ACSM1: variants seen among roughly 807,000 people sequenced by gnomAD.
ACSM1 encodes acyl-coenzyme A synthetase ACSM1, mitochondrial.
In ACSM1, 79 loss-of-function variants were observed where a neutral mutation model predicts 75.8. The ratio of observed to expected loss-of-function variants is 1.04; its 90% CI spans 0.87 to 1.26. The LOEUF (loss-of-function observed/expected upper bound fraction) is 1.26. Among genes scored for constraint, ACSM1 ranks in the 50% most tolerant of loss-of-function variants. The probability of loss-of-function intolerance (pLI) is 0.00; values close to 1 mark genes in which losing one functional copy is unlikely to be tolerated. For synonymous variants in ACSM1, 279 were observed against 265.8 expected (o/e 1.05, Z -0.48); for missense variants, 676 against 720.1 (o/e 0.94, Z 0.70).
At chr16:20,672,924 C>T (rs234275) in intron 4 of ACSM1, among the ~76,000 whole-genome samples, 59,825 of 131,824 alleles carry the variant, frequency 0.45, 15,019 homozygotes, top group East Asian at 0.85. Context: ...AAACATATTA[C>T]ATATAAATAT....
intron 8 of ACSM1, among the ~76,000 whole-genome samples, chr16:20,638,244 G>A (rs2017839429): frequency 6.6e-6 from 1 of 152,086 alleles, no homozygotes; most frequent in Admixed American, 6.5e-5. Flanking sequence ...TTACCTCCCA[G>A]AGTGCTTGTA....
intron 7 of ACSM1, 81 bp from the exon 8 acceptor site, chr16:20,640,665 T>C: frequency 6.3e-7 from 1 of 1,591,224 alleles, no homozygotes; most frequent in Non-Finnish European, 8.6e-7. Context: ...GTCACCCAGA[T>C]CATTCATCCT....
At chr16:20,696,498 GT>G (rs1485138827) in intron 1 of ACSM1, among the ~76,000 whole-genome samples, 7 of 152,204 alleles carry the variant, frequency 4.6e-5, no homozygotes, top group African/African-American at 1.7e-4. Flanking sequence ...AATTATCTGA[GT>G]TATAGAAAAA....
chr16:20,652,236 G>C (rs1189255295), intron 7 of ACSM1, among the ~76,000 whole-genome samples: 1 of 152,002 alleles, frequency 6.6e-6, no homozygotes, highest in African/African-American at 2.4e-5. Context: ...AAACACACTT[G>C]TCATAATTTA....
chr16:20,695,141 C>A (rs188216571), intron 1 of ACSM1, among the ~76,000 whole-genome samples: 1 of 152,284 alleles, frequency 6.6e-6, no homozygotes. Context: ...CATGAGAGGG[C>A]CAAACACAGT....
At chr16:20,692,681 T>C (rs1169912837) in intron 1 of ACSM1, among the ~76,000 whole-genome samples, 1 of 152,224 alleles carries the variant, frequency 6.6e-6, no homozygotes, top group African/African-American at 2.4e-5. Context: ...CAAGAGACTT[T>C]GCAGGGCAAT....
At position 20,625,405 on chromosome 16, in the gene ACSM1, T is replaced by A. The variant is rs770636525; in HGVS notation, c.1527+18A>T. On this transcript the variant is annotated intron_variant, in intron 12 of 13. Transcript: ENST00000520010. The stretch of plus-strand genomic sequence containing the variant: ...TAGTGCCCACGCACAGACATGATGA[T>A]CTCTGTGTTCTCCTCACCTCCCCTC... 6.2e-7 allele frequency: 1 copy of A among 1,612,270 alleles called. No homozygotes were observed.
intron 10 of ACSM1, among the ~76,000 whole-genome samples, chr16:20,630,589 T>C (rs1374852019): frequency 3.9e-5 from 6 of 152,140 alleles, no homozygotes; most frequent in Non-Finnish European, 7.3e-5. Flanking sequence ...GAATTTAATA[T>C]ACCACTTTCA....
chr16:20,687,470 T>A (rs1209824878), intron 2 of ACSM1, among the ~76,000 whole-genome samples: 1 of 152,094 alleles, frequency 6.6e-6, no homozygotes, highest in Non-Finnish European at 1.5e-5. Flanking sequence ...TGAAGATTAG[T>A]GAAGGTCTAC....
intron 8 of ACSM1, among the ~76,000 whole-genome samples, chr16:20,638,447 G>C (rs1314400120): frequency 6.6e-6 from 1 of 152,176 alleles, no homozygotes; most frequent in African/African-American, 2.4e-5. Context: ...AGTAGATAAT[G>C]AGCATCCCAA....
intron 4 of ACSM1, among the ~76,000 whole-genome samples, chr16:20,673,363 T>C (rs1428317770): frequency 1.3e-5 from 2 of 152,186 alleles, no homozygotes; most frequent in Non-Finnish European, 2.9e-5. Context: ...GGTATCATAC[T>C]GACTTTGGGA....
chr16:20,641,981 G>C (rs571768332), intron 7 of ACSM1, among the ~76,000 whole-genome samples: 1 of 152,336 alleles, frequency 6.6e-6, no homozygotes, highest in South Asian at 2.1e-4. Context: ...GTATTACGAA[G>C]AGTGGGAGTG....
chr16:20,654,656 A>T (rs2018847911), intron 7 of ACSM1, among the ~76,000 whole-genome samples: 1 of 152,238 alleles, frequency 6.6e-6, no homozygotes, highest in Non-Finnish European at 1.5e-5. Context: ...AAAAATGCTC[A>T]TCATCACTGG....
chr16:20,655,879 T>A (rs901749478), intron 7 of ACSM1, among the ~76,000 whole-genome samples: 4 of 152,164 alleles, frequency 2.6e-5, no homozygotes, highest in African/African-American at 9.7e-5. Flanking sequence ...GCCAGGCTGG[T>A]CTCGAACTCC....
At chr16:20,664,824 A>G (rs564973515) in intron 6 of ACSM1, among the ~76,000 whole-genome samples, 1 of 152,208 alleles carries the variant, frequency 6.6e-6, no homozygotes, top group Non-Finnish European at 1.5e-5. Flanking sequence ...ACAGTGCAAG[A>G]AAAACAGAAA....
intron 11 of ACSM1, 29 bp downstream of exon 11, chr16:20,627,160 A>G (rs1488333554): frequency 6.7e-7 from 1 of 1,499,668 alleles, no homozygotes; most frequent in Non-Finnish European, 8.8e-7. Context: ...GACGGCAACA[A>G]CAGCCAGCCC....
intron 7 of ACSM1, among the ~76,000 whole-genome samples, chr16:20,646,222 C>G (rs1032000873): frequency 1.3e-5 from 2 of 152,202 alleles, no homozygotes; most frequent in Non-Finnish European, 2.9e-5. Context: ...CTAATAGGGC[C>G]TGCTTCCAGT....
intron 4 of ACSM1, among the ~76,000 whole-genome samples, chr16:20,672,340 C>A (rs1247746667): frequency 6.8e-6 from 1 of 147,330 alleles, no homozygotes; most frequent in African/African-American, 2.5e-5. Flanking sequence ...CCCAGCTACT[C>A]GGGAGGCTGA....
Position 20,640,578 on chromosome 16 carries a change from C to A in ACSM1, c.999G>T (p.Arg333Ser), listed in dbSNP as rs1054905991. ...TATAGCAGTGCTCCAGGGCAGGGAA[C>A]CTGATGCTTAGAGGAAGACAAGGTG... ...MILQQDFTSI[R>S]FPALEHCYTG... is the part of the protein sequence containing the mutation. Residue 333 changes from arginine to serine, a missense_variant, in exon 8 of 14, where the codon AGG becomes AGT. Coordinates refer to ENST00000520010, the MANE Select transcript of ACSM1 (RefSeq NM_001318890.3). 3.1e-6 allele frequency: 5 copies of A among 1,614,160 alleles called. No individual in the cohort carries two copies. In the Middle Eastern group the frequency reaches 5.0e-4, roughly 160 times the overall value.
Sources: gnomAD v4.1 joint callset for allele counts (sites outside exome capture counted in the v4.1 genomes callset) on GRCh38, gnomAD v4.1.1 for gene constraint, MANE v1.5 for transcripts, NCBI Gene and HGNC (gene_info 2026-07-23, HGNC 2026-07-21) for gene names.